FBXL7: variants seen among roughly 807,000 people sequenced by gnomAD.
The protein encoded by FBXL7 is F-box and leucine rich repeat protein 7.
A neutral mutation model predicts 38.3 loss-of-function variants in FBXL7; 12 were observed. The observed-to-expected ratio is 0.31, with a 90% CI of 0.20 to 0.51. The LOEUF (loss-of-function observed/expected upper bound fraction) is 0.51. FBXL7 is among the 20% of genes least tolerant of loss of function. The pLI, the probability that FBXL7 is intolerant of heterozygous loss-of-function variation, is 0.98. For missense variants in FBXL7, 567 were observed against 676.4 expected, an observed-to-expected ratio of 0.84 and a Z score of 1.79; for synonymous variants, 297 against 300.9, an observed-to-expected ratio of 0.99 and a Z score of 0.13.
At chr5:15,859,392 T>C (rs1410649138) in intron 2 of FBXL7, among the ~76,000 whole-genome samples, 1 of 152,156 alleles carries the variant, frequency 6.6e-6, no homozygotes, top group African/African-American at 2.4e-5. Context: ...CAACTGCTGG[T>C]ATCCAACTGG....
chr5:15,925,935 A>G (rs776065201), intron 2 of FBXL7, among the ~76,000 whole-genome samples: 3 of 152,208 alleles, frequency 2.0e-5, no homozygotes, highest in Non-Finnish European at 4.4e-5. Context: ...ACAGTATTCA[A>G]TAAGTCACGT....
At chr5:15,914,929 A>G (rs1225787209) in intron 2 of FBXL7, among the ~76,000 whole-genome samples, 2 of 152,224 alleles carry the variant, frequency 1.3e-5, no homozygotes, top group African/African-American at 2.4e-5. Context: ...ATGCAGATAT[A>G]TTTGAATTCA....
chr5:15,782,203 C>A (rs1246324270), intron 2 of FBXL7, among the ~76,000 whole-genome samples: 2 of 152,082 alleles, frequency 1.3e-5, no homozygotes, highest in African/African-American at 2.4e-5. Context: ...GTGTATGTGC[C>A]ACATTTTCTT....
At chr5:15,925,805 C>T (rs2126454166) in intron 2 of FBXL7, among the ~76,000 whole-genome samples, 1 of 152,160 alleles carries the variant, frequency 6.6e-6, no homozygotes, top group East Asian at 1.9e-4. Flanking sequence ...ACAGATAGTT[C>T]CTGATTTTAC....
chr5:15,915,727 A>G (rs572009737), intron 2 of FBXL7, among the ~76,000 whole-genome samples: 75 of 152,318 alleles, frequency 4.9e-4, no homozygotes, highest in African/African-American at 1.7e-3. Flanking sequence ...AAAATGGTCC[A>G]TATTTTAGAA....
intron 2 of FBXL7, among the ~76,000 whole-genome samples, chr5:15,635,913 CTT>C (rs35279060): frequency 0.15 from 20,734 of 142,448 alleles, 1,765 homozygotes; most frequent in East Asian, 0.45. Context: ...CATTTTTAGC[CTT>C]TTTTTTTTTT....
At chr5:15,816,601 A>G (rs1738022303) in intron 2 of FBXL7, among the ~76,000 whole-genome samples, 1 of 152,194 alleles carries the variant, frequency 6.6e-6, no homozygotes, top group Non-Finnish European at 1.5e-5. Context: ...ACCACTATAC[A>G]ATTCATCCAT....
At chr5:15,932,067 G>T (rs1742051222) in intron 3 of FBXL7, among the ~76,000 whole-genome samples, 1 of 152,172 alleles carries the variant, frequency 6.6e-6, no homozygotes, top group Non-Finnish European at 1.5e-5. Flanking sequence ...TTGTAATTAA[G>T]TGAACACAGG....
Position 15,763,511 on chromosome 5 carries a change from G to A in FBXL7, c.127+147439G>A, listed in dbSNP as rs1482123860. ...CCAGGTTATTGGTCTTTTGTTGAGA[G>A]ACTACATCGAATATAATTTGTGGTA... On this transcript the variant is annotated intron_variant, in intron 2 of 3. Coordinates refer to ENST00000504595, the MANE Select transcript of FBXL7 (RefSeq NM_012304.5). 3.3e-5 allele frequency among the ~76,000 whole-genome samples: 5 copies of A among 152,154 alleles called. No homozygotes were observed. In the South Asian group the frequency reaches 6.2e-4, roughly 19 times the overall value.
At chr5:15,862,431 A>G (rs1479631228) in intron 2 of FBXL7, among the ~76,000 whole-genome samples, 2 of 152,214 alleles carry the variant, frequency 1.3e-5, no homozygotes, top group African/African-American at 4.8e-5. Context: ...CAGCATAAAA[A>G]CAGACTAATA....
At chr5:15,888,213 T>C (rs967242471) in intron 2 of FBXL7, among the ~76,000 whole-genome samples, 4 of 145,136 alleles carry the variant, frequency 2.8e-5, no homozygotes, top group African/African-American at 7.4e-5. Context: ...TATTTATTTA[T>C]TTATTTATTT....
chr5:15,928,199 A>G lies in FBXL7; in HGVS notation c.437A>G (p.Asn146Ser), dbSNP rs201995635. 2.1e-4 allele frequency: 331 copies of G among 1,609,958 alleles called. 1 individual carries two copies. Among genetic ancestry groups the G allele is most frequent in the Non-Finnish European group, 2.1e-4 (244 of 1,178,526 alleles). Reference protein sequence around the residue: ...RCARVCRRWYNLAWDPRLWRT... With the variant: ...RCARVCRRWYSLAWDPRLWRT... ...GCGCGAGTGTGCCGCCGCTGGTACA[A>G]CCTGGCCTGGGACCCGCGGCTCTGG... The change falls in exon 3 of 4, where the codon AAC becomes AGC. Residue 146 changes from asparagine (N) to serine (S), a missense_variant. By Grantham distance (46) the Asn-to-Ser change is conservative (BLOSUM62 1). Coordinates refer to ENST00000504595, the MANE Select transcript of FBXL7 (RefSeq NM_012304.5). The surrounding 1 kb of genome is among the most constrained non-coding windows in gnomAD (Gnocchi z 4.0).
intron 1 of FBXL7, among the ~76,000 whole-genome samples, chr5:15,599,104 T>C (rs949111488): frequency 2.6e-5 from 4 of 152,174 alleles, no homozygotes; most frequent in Non-Finnish European, 4.4e-5. Flanking sequence ...TCCTGTTAAA[T>C]AGAATTGCAG....
At position 15,781,390 on chromosome 5, in the gene FBXL7, G is replaced by A. The variant is rs950030574; in HGVS notation, c.128-146500G>A. Among the ~76,000 whole-genome samples the A allele has an allele frequency of 2.0e-5, 3 of 152,044 alleles. No homozygotes were observed. The East Asian group carries it at 5.8e-4, about 29-fold the overall frequency. ...CCATCCCCACCCCCAAGAAAAAAAG[G>A]TCTAAGTACATTGGGAGGATGGGGA... On this transcript the variant is annotated intron_variant, in intron 2 of 3. Transcript: ENST00000504595.
intron 2 of FBXL7, among the ~76,000 whole-genome samples, chr5:15,676,081 C>CG (rs1742645004): frequency 6.6e-6 from 1 of 152,154 alleles, no homozygotes; most frequent in South Asian, 2.1e-4. Flanking sequence ...TCTCCTCTCC[C>CG]GATCTGGAAT....
rs544817670 is a variant in FBXL7 at position 15,650,903 on chromosome 5, A to G, written c.127+34831A>G. Among the ~76,000 whole-genome samples, 10 of 152,158 alleles carry G rather than the reference A, an allele frequency of 6.6e-5. No homozygotes were observed. In the South Asian group the frequency reaches 2.1e-3, roughly 32 times the overall value. ...CTCTAATAAATGCTAGAACCCCTCAAAGCCATCCATGAGGTTTGGAATCAA... is the reference window on the plus strand; with the variant it reads ...CTCTAATAAATGCTAGAACCCCTCAGAGCCATCCATGAGGTTTGGAATCAA... On this transcript the variant is annotated intron_variant, in intron 2 of 3. Coordinates refer to ENST00000504595, the MANE Select transcript of FBXL7 (RefSeq NM_012304.5).
intron 1 of FBXL7, among the ~76,000 whole-genome samples, chr5:15,565,269 G>A (rs1451269930): frequency 1.3e-5 from 2 of 152,066 alleles, no homozygotes; most frequent in African/African-American, 4.8e-5. Flanking sequence ...ATAACACCAT[G>A]TTTTTACAGT....
chr5:15,810,112 TC>T (rs1445793694), intron 2 of FBXL7, among the ~76,000 whole-genome samples: 1 of 152,210 alleles, frequency 6.6e-6, no homozygotes, highest in African/African-American at 2.4e-5. Flanking sequence ...ATCCTTTTTT[TC>T]AATTTATGTG....
intron 2 of FBXL7, among the ~76,000 whole-genome samples, chr5:15,852,543 T>C (rs1739128478): frequency 6.6e-6 from 1 of 152,230 alleles, no homozygotes; most frequent in Non-Finnish European, 1.5e-5. Context: ...CGGTAATTTG[T>C]ACTTTCTGTT....
Sources: allele counts gnomAD v4.1 joint callset (sites outside exome capture counted in the v4.1 genomes callset), GRCh38; gene constraint gnomAD v4.1.1; non-coding constraint Gnocchi (gnomAD v3.1); transcripts MANE v1.5; gene names NCBI Gene and HGNC (gene_info 2026-07-23, HGNC 2026-07-21).